The following IGFL2 variants were observed in gnomAD, a reference collection of about 807,000 sequenced individuals.
IGFL2 encodes the protein IGF like family member 2, also known as insulin growth factor-like family member 2.
A neutral mutation model predicts 13.9 loss-of-function variants in IGFL2; 7 were observed. That is an observed-to-expected ratio of 0.51 (90% CI 0.29 to 0.95). The LOEUF (loss-of-function observed/expected upper bound fraction) is 0.95. Ranked by LOEUF, IGFL2 falls within the 40% of genes least tolerant of loss-of-function variation. The pLI is 0.08. For synonymous variants in IGFL2, 55 were observed against 55.8 expected (o/e 0.99, Z 0.07); for missense variants, 138 against 147.8 (o/e 0.93, Z 0.34).
the IGFL2 span, chr19:46,124,338 A>G: frequency 1.2e-6 from 2 of 1,603,558 alleles, no homozygotes; most frequent in East Asian, 2.3e-5. Context: ...GAGAAAGGAA[A>G]AAGGTTGAAC....
At chr19:46,214,295 T>G in the IGFL2 span, 13 of 152,224 alleles carry the variant, frequency 8.5e-5, no homozygotes, top group Non-Finnish European at 1.8e-4. Context: ...AGATGGCACC[T>G]GGCGTCTCCT....
chr19:46,182,477 A>G, the IGFL2 span, among the ~76,000 whole-genome samples: 6 of 152,272 alleles, frequency 3.9e-5, no homozygotes, highest in African/African-American at 1.2e-4. Flanking sequence ...TGAGATCTTA[A>G]CATAATTTCT....
At chr19:46,087,181 A>G in the IGFL2 span, among the ~76,000 whole-genome samples, 1 of 152,154 alleles carries the variant, frequency 6.6e-6, no homozygotes, top group South Asian at 2.1e-4. Flanking sequence ...CCTGGGCATA[A>G]GTAGCATGGG....
chr19:46,119,375 C>T, the IGFL2 span, among the ~76,000 whole-genome samples: 1 of 152,274 alleles, frequency 6.6e-6, no homozygotes, highest in South Asian at 2.1e-4. Context: ...ACCAGCTGCC[C>T]AGAGGTCTGA....
At chr19:46,120,480 A>G in the IGFL2 span, 74 of 1,373,682 alleles carry the variant, frequency 5.4e-5, 4 homozygotes, top group African/African-American at 7.0e-4. Context: ...CCAGATGTGT[A>G]GATATCAACA....
At chr19:46,109,134 A>G in the IGFL2 span, among the ~76,000 whole-genome samples, 5 of 152,168 alleles carry the variant, frequency 3.3e-5, no homozygotes, top group Admixed American at 3.3e-4. Context: ...TGTGTGAGCA[A>G]TAAAGCTTTT....
chr19:46,155,522 C>T (rs1158307696), intron 1 of IGFL2, among the ~76,000 whole-genome samples: 1 of 152,174 alleles, frequency 6.6e-6, no homozygotes, highest in African/African-American at 2.4e-5. Context: ...TGAGACTTAA[C>T]TAGTTGTTTT....
chr19:46,114,261 C>G, the IGFL2 span, among the ~76,000 whole-genome samples: 1 of 152,164 alleles, frequency 6.6e-6, no homozygotes, highest in African/African-American at 2.4e-5. Flanking sequence ...ATCTAGTTAG[C>G]TATCCTCAGC....
intron 1 of IGFL2, chr19:46,159,324 G>C (rs191344047): frequency 9.8e-5 from 15 of 152,296 alleles, no homozygotes; most frequent in Admixed American, 2.0e-4. Flanking sequence ...TAAAATAGAT[G>C]GGAAGAGCCA....
chr19:46,165,658 C>T (rs995106694), downstream of IGFL2, among the ~76,000 whole-genome samples: 4 of 152,186 alleles, frequency 2.6e-5, no homozygotes, highest in Non-Finnish European at 4.4e-5. Context: ...GGACAGGGCC[C>T]GATTTCTGAC....
At chr19:46,096,595 T>C in the IGFL2 span, among the ~76,000 whole-genome samples, 4 of 152,210 alleles carry the variant, frequency 2.6e-5, no homozygotes, top group Non-Finnish European at 5.9e-5. Flanking sequence ...CCTTGTCTTG[T>C]GCCAGTTTTC....
chr19:46,147,515 A>G (rs1208002840), upstream of IGFL2, among the ~76,000 whole-genome samples: 2 of 152,208 alleles, frequency 1.3e-5, no homozygotes, highest in Non-Finnish European at 2.9e-5. Context: ...TTTGATTGCA[A>G]TGTATTATAG....
At chr19:46,202,089 AAAG>A in the IGFL2 span, among the ~76,000 whole-genome samples, 1 of 152,110 alleles carries the variant, frequency 6.6e-6, no homozygotes, top group Non-Finnish European at 1.5e-5. Flanking sequence ...GTTCACAGAA[AAAG>A]AAGATTTAAA....
At chr19:46,106,039 G>A in the IGFL2 span, among the ~76,000 whole-genome samples, 1 of 152,160 alleles carries the variant, frequency 6.6e-6, no homozygotes, top group African/African-American at 2.4e-5. Context: ...GTTTAGTCAG[G>A]ATGGCAAAAC....
chr19:46,165,596 G>A (rs1219672703), downstream of IGFL2, among the ~76,000 whole-genome samples: 1 of 152,228 alleles, frequency 6.6e-6, no homozygotes, highest in African/African-American at 2.4e-5. Flanking sequence ...AGCTGAAGGA[G>A]GGCCTTTGAC....
At chr19:46,098,958 A>G in the IGFL2 span, among the ~76,000 whole-genome samples, 1 of 152,168 alleles carries the variant, frequency 6.6e-6, no homozygotes, top group African/African-American at 2.4e-5. Context: ...AGTGGCTGAT[A>G]GTGGTTTTTC....
the IGFL2 span, among the ~76,000 whole-genome samples, chr19:46,107,476 G>A: frequency 6.6e-6 from 1 of 151,638 alleles, no homozygotes; most frequent in Non-Finnish European, 1.5e-5. Context: ...GTGGGCATTC[G>A]TTGGCCCAGT....
chr19:46,147,752 C>G (rs1973216668), upstream of IGFL2: 1 of 152,530 alleles, frequency 6.6e-6, no homozygotes, highest in Non-Finnish European at 1.5e-5. Flanking sequence ...AGTCTTGCTT[C>G]CACTGTTTTC....
intron 1 of IGFL2, 176 bp from the exon 2 acceptor site, chr19:46,160,239 C>T (rs771964866): frequency 1.6e-6 from 1 of 621,226 alleles, no homozygotes. Flanking sequence ...CTTCTCTGGC[C>T]CTGCTGTCTG....
Sources: gnomAD v4.1 joint callset for allele counts (sites outside exome capture counted in the v4.1 genomes callset) on GRCh38, gnomAD v4.1.1 for gene constraint, MANE v1.5 for transcripts, NCBI Gene and HGNC (gene_info 2026-07-23, HGNC 2026-07-21) for gene names.